Variants in RAB27B observed in about 807,000 individuals in gnomAD.
RAB27B encodes ras-related protein Rab-27B.
RAB27B carries 15 observed loss-of-function variants against 24.6 expected under a neutral mutation model. That is an observed-to-expected ratio of 0.61 (90% CI 0.41 to 0.94). RAB27B has a LOEUF of 0.94. Ranked by LOEUF, RAB27B falls within the 40% of genes least tolerant of loss-of-function variation. The pLI, the probability that RAB27B is intolerant of heterozygous loss-of-function variation, is 0.00. For synonymous variants in RAB27B, 105 were observed against 92.5 expected (o/e 1.14, Z -0.78); for missense variants, 261 against 266.8 (o/e 0.98, Z 0.15).
chr18:54,781,164 A>G (rs6566847), intron 2 of RAB27B, among the ~76,000 whole-genome samples: 80,589 of 151,672 alleles, frequency 0.53, 22,395 homozygotes, highest in Middle Eastern at 0.62. Flanking sequence ...AGCAGGAAGC[A>G]GAAATACTCA....
intron 2 of RAB27B, among the ~76,000 whole-genome samples, chr18:54,728,109 A>G (rs984313100): frequency 6.6e-6 from 1 of 152,166 alleles, no homozygotes; most frequent in African/African-American, 2.4e-5. Flanking sequence ...TATATTTTGT[A>G]TATACCAACA....
intron 2 of RAB27B, among the ~76,000 whole-genome samples, chr18:54,768,335 C>T (rs1568058699): frequency 6.6e-6 from 1 of 152,030 alleles, no homozygotes; most frequent in Non-Finnish European, 1.5e-5. Context: ...GTGGCAATGG[C>T]TGCATGGTGA....
upstream of RAB27B, among the ~76,000 whole-genome samples, chr18:54,824,277 A>G (rs1910402826): frequency 6.6e-6 from 1 of 152,186 alleles, no homozygotes; most frequent in African/African-American, 2.4e-5. Flanking sequence ...AGTTAATAAT[A>G]TCCTTTTAAA....
chr18:54,742,763 A>C (rs1910107032), intron 2 of RAB27B, among the ~76,000 whole-genome samples: 1 of 152,200 alleles, frequency 6.6e-6, no homozygotes, highest in Non-Finnish European at 1.5e-5. Flanking sequence ...GCCCACTTGC[A>C]TATGAAGACC....
intron 3 of RAB27B, among the ~76,000 whole-genome samples, chr18:54,881,947 A>G (rs1912943046): frequency 6.6e-6 from 1 of 152,154 alleles, no homozygotes; most frequent in Non-Finnish European, 1.5e-5. Flanking sequence ...ACTTAAGGAG[A>G]GAACAAAGAG....
rs576006783 is a variant in RAB27B, at chr18:54,797,291, C to T, written c.-20+79150C>T. 8.3e-4 allele frequency among the ~76,000 whole-genome samples: 127 copies of T among 152,232 alleles called. 1 individual carries two copies. The highest frequency in any genetic ancestry group is 2.9e-3 in the African/African-American group (119 of 41,542). Reference sequence around the variant, plus strand: ...GCACTCTTCTAGCACTTTGTGAGGCCGAGGTGGGTGGCTCACCTGAGGTTA... The same window carrying T: ...GCACTCTTCTAGCACTTTGTGAGGCTGAGGTGGGTGGCTCACCTGAGGTTA... On this transcript the variant is annotated intron_variant, in intron 2 of 4. Coordinates refer to the RAB27B transcript ENST00000586570.
intron 2 of RAB27B, among the ~76,000 whole-genome samples, chr18:54,742,882 A>C (rs565084451): frequency 6.6e-6 from 1 of 152,288 alleles, no homozygotes; most frequent in African/African-American, 2.4e-5. Flanking sequence ...AAAGCCTTGC[A>C]AATTTTGCAT....
rs59837098 is a variant in RAB27B, at chr18:54,850,646, G to A, written c.-20+21946G>A. ...CTCCCAAAGTGTTGGGATTGCAGGC[G>A]TGAGCCACCGTGCCTGGCTTCAGAA... is the stretch of plus-strand genomic sequence containing the variant. On this transcript the variant is annotated intron_variant, in intron 1 of 5. Transcript: ENST00000262094. Among the ~76,000 whole-genome samples, 1,415 of 151,480 alleles carry A rather than the reference G, an allele frequency of 9.3e-3. 28 individuals carry two copies. The highest frequency in any genetic ancestry group is 0.032 in the African/African-American group (1,340 of 41,366).
At chr18:54,799,128 T>G (rs561304160) in intron 2 of RAB27B, among the ~76,000 whole-genome samples, 1 of 152,336 alleles carries the variant, frequency 6.6e-6, no homozygotes, top group East Asian at 1.9e-4. Context: ...TTGTGTAATA[T>G]TAGACTAATT....
At chr18:54,875,727 G>A (rs73489407) in intron 1 of RAB27B, among the ~76,000 whole-genome samples, 5,291 of 152,100 alleles carry the variant, frequency 0.035, 312 homozygotes, top group African/African-American at 0.12. Flanking sequence ...AAAGTATAAC[G>A]TAAAGCAATG....
intron 2 of RAB27B, among the ~76,000 whole-genome samples, chr18:54,787,296 T>C (rs2145103670): frequency 6.6e-6 from 1 of 152,348 alleles, no homozygotes; most frequent in East Asian, 1.9e-4. Flanking sequence ...TCTGGTCACG[T>C]GCCCACTGTT....
intron 1 of RAB27B, chr18:54,717,978 C>T (rs1387917542): frequency 3.3e-5 from 5 of 152,234 alleles, no homozygotes; most frequent in African/African-American, 7.2e-5. Flanking sequence ...AATACTGTCA[C>T]GTGCCTTTAG....
chr18:54,844,379 TTTC>T (rs1911235245), intron 1 of RAB27B, among the ~76,000 whole-genome samples: 1 of 128,908 alleles, frequency 7.8e-6, no homozygotes, highest in Non-Finnish European at 1.7e-5. Flanking sequence ...TTATCTCTTC[TTTC>T]TTTCTTTCTT....
chr18:54,846,335 C>T (rs959860909), intron 1 of RAB27B, among the ~76,000 whole-genome samples: 6 of 152,200 alleles, frequency 3.9e-5, no homozygotes, highest in African/African-American at 1.4e-4. Flanking sequence ...GCTAGAGGCT[C>T]GCAGGAGCCT....
chr18:54,731,876 T>C (rs149434739), intron 2 of RAB27B, among the ~76,000 whole-genome samples: 234 of 152,332 alleles, frequency 1.5e-3, no homozygotes, highest in African/African-American at 5.3e-3. Flanking sequence ...AACAGAATCT[T>C]AGGACATAGA....
At chr18:54,769,878 T>G (rs1307451973) in intron 2 of RAB27B, among the ~76,000 whole-genome samples, 3 of 152,190 alleles carry the variant, frequency 2.0e-5, no homozygotes, top group Non-Finnish European at 1.5e-5. Flanking sequence ...CTTCTTTTAT[T>G]TTTTATTTTT....
intron 2 of RAB27B, among the ~76,000 whole-genome samples, chr18:54,793,485 C>CAG (rs34163027): frequency 3.3e-5 from 5 of 151,346 alleles, no homozygotes; most frequent in African/African-American, 2.4e-5. Context: ...TGACAGTCAA[C>CAG]AGAGAGAGAG....
At chr18:54,779,535 A>G (rs1908823647) in intron 2 of RAB27B, among the ~76,000 whole-genome samples, 1 of 152,188 alleles carries the variant, frequency 6.6e-6, no homozygotes, top group Admixed American at 6.5e-5. Context: ...CTAGGACATG[A>G]CCAAACTCAA....
At chr18:54,772,152 A>G (rs1403762978) in intron 2 of RAB27B, among the ~76,000 whole-genome samples, 1 of 152,318 alleles carries the variant, frequency 6.6e-6, no homozygotes, top group East Asian at 1.9e-4. Context: ...CAATATTATC[A>G]GTATAGTCAC....
Sources: allele counts gnomAD v4.1 joint callset (sites outside exome capture counted in the v4.1 genomes callset), GRCh38; gene constraint gnomAD v4.1.1; transcripts MANE v1.5; gene names NCBI Gene and HGNC (gene_info 2026-07-23, HGNC 2026-07-21).